Variants in LRRTM4 observed in about 807,000 individuals in gnomAD.
LRRTM4 encodes leucine-rich repeat transmembrane neuronal protein 4.
In LRRTM4, 25 loss-of-function variants were observed where a neutral mutation model predicts 47.6. The observed-to-expected ratio is 0.53, with a 90% CI of 0.38 to 0.73. The LOEUF is 0.73. Ranked by LOEUF, LRRTM4 falls within the 30% of genes least tolerant of loss-of-function variation. LRRTM4 has a pLI of 0.00. For synonymous variants in LRRTM4, 311 were observed against 269.5 expected (o/e 1.15, Z -1.51); for missense variants, 638 against 713.4 (o/e 0.89, Z 1.20).
intron 3 of LRRTM4, among the ~76,000 whole-genome samples, chr2:77,391,060 T>C (rs904113173): frequency 6.6e-6 from 1 of 152,002 alleles, no homozygotes; most frequent in Non-Finnish European, 1.5e-5. Context: ...AAATTTGCAA[T>C]CAGGACATTA....
intron 3 of LRRTM4, among the ~76,000 whole-genome samples, chr2:76,804,854 G>A (rs1011461863): frequency 4.6e-5 from 7 of 150,594 alleles, no homozygotes. Flanking sequence ...AGTTTGATTT[G>A]TTAATAGATT....
intron 3 of LRRTM4, among the ~76,000 whole-genome samples, chr2:76,971,478 G>T (rs1361144884): frequency 3.3e-5 from 5 of 152,048 alleles, no homozygotes; most frequent in South Asian, 2.1e-4. Flanking sequence ...CTGCATCAGG[G>T]AACCTGGGAG....
chr2:76,975,200 G>C (rs1451665337), intron 3 of LRRTM4, among the ~76,000 whole-genome samples: 1 of 151,648 alleles, frequency 6.6e-6, no homozygotes. Context: ...TGCTAACTGA[G>C]TTTCTTTTTT....
At chr2:77,353,189 T>C (rs1671847440) in intron 3 of LRRTM4, among the ~76,000 whole-genome samples, 1 of 152,170 alleles carries the variant, frequency 6.6e-6, no homozygotes, top group Non-Finnish European at 1.5e-5. Flanking sequence ...CAAGATAATT[T>C]TATTTTTTCA....
At position 76,895,901 on chromosome 2, in the gene LRRTM4, G is replaced by T. The variant is rs10172701; in HGVS notation, c.1552-146985C>A. Among the ~76,000 whole-genome samples, 641 of 151,980 alleles carry T rather than the reference G, an allele frequency of 4.2e-3. 1 individual carries two copies. Among genetic ancestry groups the T allele is most frequent in the African/African-American group, 0.015 (619 of 41,490 alleles). On this transcript the variant is annotated intron_variant, in intron 3 of 3. Transcript: ENST00000409884. ...TTTTTCTCTTTTCAATAACATATGG[G>T]CTTCCACTCAGCTGTGGAAGGTGGT...
intron 3 of LRRTM4, among the ~76,000 whole-genome samples, chr2:77,086,019 G>C (rs1360241458): frequency 6.6e-6 from 1 of 152,070 alleles, no homozygotes; most frequent in African/African-American, 2.4e-5. Context: ...GAAAGTACGT[G>C]AGTTAAATTC....
chr2:77,028,950 G>T (rs1380052205), intron 3 of LRRTM4, among the ~76,000 whole-genome samples: 1 of 150,948 alleles, frequency 6.6e-6, no homozygotes, highest in East Asian at 2.0e-4. Context: ...CAGGAGAATG[G>T]TGTGAACCCG....
intron 3 of LRRTM4, among the ~76,000 whole-genome samples, chr2:77,187,479 T>C (rs1448246599): frequency 2.4e-5 from 1 of 42,492 alleles, no homozygotes; most frequent in African/African-American, 9.6e-5. Context: ...TGTTGTGGGG[T>C]GGGGGGAGGG....
chr2:77,047,432 G>A (rs191849953), intron 3 of LRRTM4, among the ~76,000 whole-genome samples: 154 of 152,068 alleles, frequency 1.0e-3, no homozygotes, highest in Admixed American at 2.6e-3. Flanking sequence ...TGAGATCTAG[G>A]TTTCTGGAGT....
At chr2:77,326,215 T>G (rs1213452621) in intron 3 of LRRTM4, among the ~76,000 whole-genome samples, 1 of 152,216 alleles carries the variant, frequency 6.6e-6, no homozygotes, top group African/African-American at 2.4e-5. Flanking sequence ...AAAACAAGTT[T>G]ACCTATTTCT....
At chr2:76,809,534 C>T (rs1014737511) in intron 3 of LRRTM4, among the ~76,000 whole-genome samples, 5 of 152,110 alleles carry the variant, frequency 3.3e-5, no homozygotes, top group African/African-American at 1.2e-4. Context: ...CCTACCCTTC[C>T]CCTGCTAATC....
chr2:77,470,109 G>A (rs532010807), intron 3 of LRRTM4, among the ~76,000 whole-genome samples: 3 of 152,092 alleles, frequency 2.0e-5, no homozygotes, highest in Non-Finnish European at 4.4e-5. Flanking sequence ...GACTGATACC[G>A]ACCAGCAGGG....
chr2:76,910,950 C>T (rs1449989791), intron 3 of LRRTM4, among the ~76,000 whole-genome samples: 4 of 152,198 alleles, frequency 2.6e-5, no homozygotes, highest in Non-Finnish European at 4.4e-5. Context: ...CATTCATTTA[C>T]ATAAAATGTC....
chr2:76,983,329 A>C (rs1676677840), intron 3 of LRRTM4, among the ~76,000 whole-genome samples: 1 of 151,992 alleles, frequency 6.6e-6, no homozygotes, highest in African/African-American at 2.4e-5. Flanking sequence ...TCCCCACCCA[A>C]ATCTCTCCTT....
At chr2:77,159,342 G>A (rs1221731908) in intron 3 of LRRTM4, among the ~76,000 whole-genome samples, 1 of 152,024 alleles carries the variant, frequency 6.6e-6, no homozygotes, top group Admixed American at 6.6e-5. Flanking sequence ...ACAGTAAGCT[G>A]TAAAAAAGAA....
At chr2:77,283,851 G>T (rs1676579030) in intron 3 of LRRTM4, among the ~76,000 whole-genome samples, 1 of 151,976 alleles carries the variant, frequency 6.6e-6, no homozygotes, top group Admixed American at 6.6e-5. Context: ...GGCAAGGGTT[G>T]AAAAACTACC....
chr2:76,814,831 ACAC>A, intron 3 of LRRTM4, among the ~76,000 whole-genome samples: 1 of 146,332 alleles, frequency 6.8e-6, no homozygotes, highest in Non-Finnish European at 1.5e-5. Flanking sequence ...ACACACACAC[ACAC>A]AAAAGCATAC....
At chr2:77,329,839 G>A (rs1365699104) in intron 3 of LRRTM4, among the ~76,000 whole-genome samples, 1 of 152,138 alleles carries the variant, frequency 6.6e-6, no homozygotes, top group Non-Finnish European at 1.5e-5. Flanking sequence ...TCTTGAAAGA[G>A]GTAGAAAATT....
intron 3 of LRRTM4, among the ~76,000 whole-genome samples, chr2:77,396,594 CATT>C (rs1379503632): frequency 2.6e-5 from 4 of 151,856 alleles, no homozygotes; most frequent in Non-Finnish European, 1.5e-5. Context: ...AGTTTTCCCT[CATT>C]ATATCTTTCA....
Sources: gnomAD v4.1 joint callset for allele counts (sites outside exome capture counted in the v4.1 genomes callset) on GRCh38, gnomAD v4.1.1 for gene constraint, MANE v1.5 for transcripts, NCBI Gene and HGNC (gene_info 2026-07-23, HGNC 2026-07-21) for gene names.